The following ABCC8 variants were observed in gnomAD, a reference collection of about 807,000 sequenced individuals.
ABCC8 encodes the protein ATP binding cassette subfamily C member 8, also known as ATP-binding cassette sub-family C member 8.
A neutral mutation model predicts 188.0 loss-of-function variants in ABCC8; 137 were observed. The observed-to-expected ratio is 0.73, with a 90% CI of 0.63 to 0.84. ABCC8 has a LOEUF of 0.84. Among genes scored for constraint, ABCC8 ranks in the 40% least tolerant of loss-of-function variants. ABCC8 has a pLI of 0.00. For missense variants in ABCC8, 1,750 were observed against 2,072.7 expected (o/e 0.84, Z 3.02); for synonymous variants, 797 against 846.5 (o/e 0.94, Z 1.01).
At chr11:17,393,198 G>A (rs1031696685) in intron 38 of ABCC8, 70 bp from the exon 39 acceptor site, 1 of 1,600,892 alleles carries the variant, frequency 6.2e-7, no homozygotes, top group South Asian at 1.1e-5. Context: ...ACAGCTGAGG[G>A]TGGCCCTCCT....
intron 6 of ABCC8, among the ~76,000 whole-genome samples, chr11:17,456,825 A>G (rs1194663500): frequency 6.6e-6 from 1 of 152,220 alleles, no homozygotes; most frequent in Non-Finnish European, 1.5e-5. Context: ...AAAAAACAGT[A>G]AGTGTAAGCA....
chr11:17,409,966 A>T (rs984330508), intron 22 of ABCC8, among the ~76,000 whole-genome samples: 3 of 152,058 alleles, frequency 2.0e-5, no homozygotes, highest in African/African-American at 7.2e-5. Context: ...GGTTCACAGC[A>T]GCCTTAAACT....
Position 17,398,435 on chromosome 11 carries a change from C to T in ABCC8, c.3657G>A (p.Glu1219=), listed in dbSNP as rs748466485. 1 of 1,614,074 alleles carries T rather than the reference C, an allele frequency of 6.2e-7. No individual in the cohort carries two copies. The change falls in exon 30 of 39, where the codon GAG becomes GAA. Residue 1219 remains glutamate, a synonymous_variant. Coordinates refer to ENST00000389817, the MANE Select transcript of ABCC8 (RefSeq NM_000352.6). ...CGAGAAGCTTCTGCTGGAACCGGGC[C>T]TCATACCTGGAGGGAGGATGAGAAG... ...GLTTIRAFRY[E]ARFQQKLLEY... is the part of the protein sequence containing the mutation.
At chr11:17,461,954 T>C in intron 4 of ABCC8, 129 bp from the exon 5 acceptor site, 3 of 1,459,646 alleles carry the variant, frequency 2.1e-6, no homozygotes, top group Admixed American at 2.4e-5. Context: ...ATCTTTCGCC[T>C]GTAATTATTA....
chr11:17,470,026 CATA>C (rs1344183501), intron 3 of ABCC8, 72 bp downstream of exon 3: 2 of 1,553,446 alleles, frequency 1.3e-6, no homozygotes, highest in East Asian at 2.2e-5. Flanking sequence ...ATAGCTGGCA[CATA>C]ATGAGTCCTC....
chr11:17,410,695 G>C (rs764542419), intron 21 of ABCC8, 42 bp from the exon 22 acceptor site: 1 of 1,612,206 alleles, frequency 6.2e-7, no homozygotes, highest in South Asian at 1.1e-5. Context: ...GTAGGGAAAG[G>C]CATGGTGGGG....
At chr11:17,432,767 G>A (rs1955907080) in intron 10 of ABCC8, among the ~76,000 whole-genome samples, 2 of 152,192 alleles carry the variant, frequency 1.3e-5, no homozygotes, top group African/African-American at 2.4e-5. Flanking sequence ...TAGAGTCTGT[G>A]TGCGGGTGGG....
Position 17,395,255 on chromosome 11 carries a change from C to A in ABCC8, c.4328G>T (p.Arg1443Met). ...GTIRFNLDPE[R>M]KCSDSTLWEA... is the part of the protein sequence containing the mutation. ...CCACAGTGTGCTATCTGAGCACTTC[C>A]TCTCAGGGTCCAGGTTAAATCTGGA... The change falls in exon 36 of 39, where the codon AGG becomes ATG. Residue 1443 changes from arginine (R) to methionine (M), a missense_variant. Transcript: ENST00000389817. The A allele has an allele frequency of 6.3e-7, 1 of 1,595,488 alleles. No individual in the cohort carries two copies. Among genetic ancestry groups the A allele is most frequent in the Non-Finnish European group, 8.5e-7 (1 of 1,169,618 alleles).
chr11:17,412,905 C>T, intron 20 of ABCC8, 159 bp from the exon 21 acceptor site: 3 of 1,469,820 alleles, frequency 2.0e-6, no homozygotes, highest in Non-Finnish European at 2.7e-6. Context: ...CACGTGTTTA[C>T]TGAATTCATT....
chr11:17,428,395 AC>A lies in ABCC8; in HGVS notation c.1933del (p.Val645LeufsTer2), dbSNP rs1360606629. 1 of 1,613,082 alleles carries A rather than the reference AC, an allele frequency of 6.2e-7. No homozygotes were observed. Among genetic ancestry groups the A allele is most frequent in the Non-Finnish European group, 8.5e-7 (1 of 1,179,278 alleles). On this transcript the variant is annotated frameshift_variant, in exon 14 of 39. Coordinates refer to ENST00000389817, the MANE Select transcript of ABCC8 (RefSeq NM_000352.6). LOFTEE classifies it high-confidence loss of function. ...CCGGGCTGGACGCTTGCGGTTCACA[AC>A]CCTGAGGGGCTGGGGGTGGTTTGGA... ...ASKYQAVPLR[V>X]VNRKRPARED...
chr11:17,431,136 A>G (rs1317194487), intron 11 of ABCC8, 177 bp from the exon 12 acceptor site: 1 of 1,078,698 alleles, frequency 9.3e-7, no homozygotes, highest in Non-Finnish European at 1.3e-6. Flanking sequence ...AAACGTCCCC[A>G]ACAAGTTCAG....
chr11:17,458,495 G>A (rs1202069183), intron 6 of ABCC8, among the ~76,000 whole-genome samples: 3 of 152,236 alleles, frequency 2.0e-5, no homozygotes, highest in Non-Finnish European at 2.9e-5. Flanking sequence ...TGGACACTCT[G>A]ATAAGGGCTC....
At chr11:17,398,096 C>T (rs1954039743) in intron 30 of ABCC8, among the ~76,000 whole-genome samples, 1 of 152,200 alleles carries the variant, frequency 6.6e-6, no homozygotes, top group Non-Finnish European at 1.5e-5. Context: ...TGCAGATACA[C>T]ATTCACCACA....
intron 16 of ABCC8, among the ~76,000 whole-genome samples, chr11:17,422,349 C>T (rs1353738961): frequency 1.3e-5 from 2 of 152,136 alleles, no homozygotes; most frequent in Admixed American, 1.3e-4. Context: ...TCTCTCTCCC[C>T]AGTCCATCAT....
At chr11:17,408,991 T>A (rs1230609320) in intron 22 of ABCC8, among the ~76,000 whole-genome samples, 3 of 150,576 alleles carry the variant, frequency 2.0e-5, no homozygotes, top group Admixed American at 6.7e-5. Flanking sequence ...TCTCACTCTG[T>A]TGCCTAGGCT....
intron 2 of ABCC8, among the ~76,000 whole-genome samples, chr11:17,473,676 C>T (rs1353209389): frequency 6.6e-6 from 1 of 152,168 alleles, no homozygotes; most frequent in Non-Finnish European, 1.5e-5. Context: ...CCTCTTCTGT[C>T]CCTGACTGCT....
At chr11:17,448,385 A>G (rs1346500523) in intron 8 of ABCC8, 131 bp downstream of exon 8, 3 of 813,804 alleles carry the variant, frequency 3.7e-6, no homozygotes, top group Non-Finnish European at 6.4e-6. Context: ...CCTGTGGTAT[A>G]GCCAAGTGTG....
At chr11:17,424,230 T>C (rs903601586) in intron 16 of ABCC8, among the ~76,000 whole-genome samples, 6 of 146,534 alleles carry the variant, frequency 4.1e-5, no homozygotes, top group African/African-American at 1.5e-4. Flanking sequence ...CTTAAAAAGA[T>C]GACAGGTTGA....
chr11:17,438,898 C>G (rs1197132040), intron 10 of ABCC8, among the ~76,000 whole-genome samples: 1 of 152,226 alleles, frequency 6.6e-6, no homozygotes, highest in Non-Finnish European at 1.5e-5. Flanking sequence ...GACAACAGAG[C>G]AACACACCTC....
Sources: allele counts gnomAD v4.1 joint callset (sites outside exome capture counted in the v4.1 genomes callset), GRCh38; gene constraint gnomAD v4.1.1; transcripts MANE v1.5; gene names NCBI Gene and HGNC (gene_info 2026-07-23, HGNC 2026-07-21).